The following PHACTR1 variants were observed in gnomAD, a reference collection of about 807,000 sequenced individuals.
The protein encoded by PHACTR1 is phosphatase and actin regulator 1, also known as RPEL repeat containing 1.
PHACTR1 carries 16 observed loss-of-function variants against 69.2 expected under a neutral mutation model. That is an observed-to-expected ratio of 0.23 (90% CI 0.16 to 0.35). The LOEUF (loss-of-function observed/expected upper bound fraction) is 0.35. PHACTR1 is among the 10% of genes least tolerant of loss of function. PHACTR1 has a pLI of 1.00. For synonymous variants in PHACTR1, 312 were observed against 284.5 expected (o/e 1.10, Z -0.97); for missense variants, 510 against 734.7 (o/e 0.69, Z 3.54).
chr6:13,259,299 TCTCA>T (rs953718499), intron 10 of PHACTR1, among the ~76,000 whole-genome samples: 2 of 152,210 alleles, frequency 1.3e-5, no homozygotes, highest in Non-Finnish European at 1.5e-5. Context: ...CTCTCAACCG[TCTCA>T]CTGTTTTGTT....
chr6:13,199,369 G>C (rs1250947405), intron 7 of PHACTR1, among the ~76,000 whole-genome samples: 1 of 107,158 alleles, frequency 9.3e-6, no homozygotes, highest in Non-Finnish European at 1.7e-5. Context: ...GGGCGACAAA[G>C]TGAGAGTCCA....
chr6:12,837,090 A>C (rs758584063), intron 4 of PHACTR1, among the ~76,000 whole-genome samples: 10 of 152,168 alleles, frequency 6.6e-5, no homozygotes, highest in African/African-American at 1.2e-4. Context: ...TTTCTCTGCT[A>C]CAAACCCTGC....
intron 4 of PHACTR1, among the ~76,000 whole-genome samples, chr6:12,752,192 C>T (rs1766704248): frequency 6.6e-6 from 1 of 152,194 alleles, no homozygotes; most frequent in African/African-American, 2.4e-5. Flanking sequence ...AAGATCCACT[C>T]ACAGATGTGC....
rs564012683 is a variant in PHACTR1 at position 13,170,700 on chromosome 6, A to G, written c.496+10416A>G. ...AGTACTCTTGCAGGAGTCCTGAGCC[A>G]GGGTTTCCAGTTCTGGCTCCATCGT... On this transcript the variant is annotated intron_variant, in intron 6 of 14. Coordinates refer to ENST00000332995, the MANE Select transcript of PHACTR1 (RefSeq NM_030948.6). Among the ~76,000 whole-genome samples the G allele has an allele frequency of 3.3e-5, 5 of 152,354 alleles. No individual in the cohort carries two copies. The South Asian group carries it at 1.0e-3, about 32-fold the overall frequency.
intron 4 of PHACTR1, among the ~76,000 whole-genome samples, chr6:12,873,454 A>G (rs547373226): frequency 6.6e-6 from 1 of 152,112 alleles, no homozygotes; most frequent in Non-Finnish European, 1.5e-5. Context: ...TCTCAAGGAC[A>G]TTATAGTGGG....
At chr6:13,135,468 A>G (rs1821404674) in intron 5 of PHACTR1, among the ~76,000 whole-genome samples, 1 of 152,200 alleles carries the variant, frequency 6.6e-6, no homozygotes, top group African/African-American at 2.4e-5. Context: ...GACTTTTCTC[A>G]ATCAAAGGCA....
intron 4 of PHACTR1, among the ~76,000 whole-genome samples, chr6:12,758,334 C>A (rs537247638): frequency 3.3e-5 from 5 of 151,392 alleles, no homozygotes; most frequent in Admixed American, 3.3e-4. Context: ...CACAGCTACT[C>A]GGGAGGCTGA....
At chr6:12,821,863 G>A (rs764822112) in intron 4 of PHACTR1, among the ~76,000 whole-genome samples, 8 of 152,152 alleles carry the variant, frequency 5.3e-5, no homozygotes, top group South Asian at 2.1e-4. Context: ...TCCAGATTCC[G>A]CCCAGATATG....
At chr6:12,892,289 A>G (rs1038770293) in intron 4 of PHACTR1, among the ~76,000 whole-genome samples, 17 of 152,244 alleles carry the variant, frequency 1.1e-4, no homozygotes, top group Non-Finnish European at 1.5e-5. Context: ...GGCCTGGGAC[A>G]GTGTCCAGCT....
At chr6:12,931,003 C>CA (rs34965562) in intron 4 of PHACTR1, among the ~76,000 whole-genome samples, 23,777 of 86,220 alleles carry the variant, frequency 0.28, 2,774 homozygotes, top group Non-Finnish European at 0.37. Context: ...AACTCTGTCT[C>CA]AAAAAAAAAA....
At chr6:12,991,489 A>C (rs569484359) in intron 4 of PHACTR1, among the ~76,000 whole-genome samples, 2 of 152,368 alleles carry the variant, frequency 1.3e-5, no homozygotes, top group African/African-American at 2.4e-5. Flanking sequence ...CCGGCAATAC[A>C]GAAAAGTGGT....
intron 4 of PHACTR1, among the ~76,000 whole-genome samples, chr6:12,927,804 C>T (rs988818010): frequency 1.3e-5 from 2 of 152,292 alleles, no homozygotes; most frequent in Admixed American, 6.5e-5. Context: ...CTGATGTCCA[C>T]CTATAAAAAG....
chr6:13,152,397 A>G (rs569202992), intron 5 of PHACTR1, among the ~76,000 whole-genome samples: 120 of 152,310 alleles, frequency 7.9e-4, no homozygotes, highest in Middle Eastern at 3.4e-3. Flanking sequence ...ACAAATTCAT[A>G]TGGAAAGGGA....
intron 4 of PHACTR1, among the ~76,000 whole-genome samples, chr6:12,757,133 G>A (rs1190406854): frequency 6.6e-6 from 1 of 152,222 alleles, no homozygotes; most frequent in East Asian, 1.9e-4. Context: ...AGGAAGAGGA[G>A]AGGATTTCAA....
At chr6:13,129,853 AC>A in intron 5 of PHACTR1, among the ~76,000 whole-genome samples, 1 of 152,170 alleles carries the variant, frequency 6.6e-6, no homozygotes, top group East Asian at 1.9e-4. Flanking sequence ...TGTAGAATAT[AC>A]ATTTTTTTTA....
At chr6:13,002,783 A>C (rs1798250719) in intron 4 of PHACTR1, among the ~76,000 whole-genome samples, 1 of 152,224 alleles carries the variant, frequency 6.6e-6, no homozygotes, top group Admixed American at 6.5e-5. Flanking sequence ...CAAATATGAT[A>C]ATATGCCCTC....
intron 4 of PHACTR1, among the ~76,000 whole-genome samples, chr6:12,830,108 AG>A (rs796351132): frequency 1.2e-4 from 4 of 32,330 alleles, no homozygotes; most frequent in African/African-American, 2.1e-4. Flanking sequence ...AAAGAAAGAA[AG>A]AAAGAAAGAA....
At chr6:13,023,759 A>G (rs1801309635) in intron 4 of PHACTR1, among the ~76,000 whole-genome samples, 1 of 152,198 alleles carries the variant, frequency 6.6e-6, no homozygotes, top group Non-Finnish European at 1.5e-5. Context: ...AGTGAATGGA[A>G]TTCTTCTGGC....
Position 12,938,422 on chromosome 6 carries a change from C to G in PHACTR1, c.251-114943C>G, listed in dbSNP as rs186924616. The stretch of plus-strand genomic sequence containing the variant: ...CATGGAATCATAGAGGAGCACAAAC[C>G]CGTGCACACCATCAGCAATAGCACC... On this transcript the variant is annotated intron_variant, in intron 4 of 14. Transcript: ENST00000332995. Among the ~76,000 whole-genome samples, 5 of 152,214 alleles carry G rather than the reference C, an allele frequency of 3.3e-5. No individual in the cohort carries two copies. The East Asian group carries it at 9.7e-4, about 29-fold the overall frequency.
Sources: gnomAD v4.1 joint callset for allele counts (sites outside exome capture counted in the v4.1 genomes callset) on GRCh38, gnomAD v4.1.1 for gene constraint, MANE v1.5 for transcripts, NCBI Gene and HGNC (gene_info 2026-07-23, HGNC 2026-07-21) for gene names.